GABRB2: variants seen among roughly 807,000 people sequenced by gnomAD.
The protein encoded by GABRB2 is gamma-aminobutyric acid type A receptor subunit beta2, also known as gamma-aminobutyric acid receptor subunit beta-2.
Under a neutral mutation model 54.7 loss-of-function variants are expected in GABRB2, and 16 were observed. The ratio of observed to expected loss-of-function variants is 0.29; its 90% CI spans 0.20 to 0.44. GABRB2 has a LOEUF of 0.44. GABRB2 is among the 20% of genes least tolerant of loss of function. The pLI, the probability that GABRB2 is intolerant of heterozygous loss-of-function variation, is 1.00. For missense variants in GABRB2, 355 were observed against 644.0 expected (o/e 0.55, Z 4.86); for synonymous variants, 244 against 233.8 (o/e 1.04, Z -0.40).
intron 5 of GABRB2, among the ~76,000 whole-genome samples, chr5:161,368,613 A>G (rs1027950882): frequency 1.3e-5 from 2 of 152,172 alleles, no homozygotes; most frequent in Non-Finnish European, 2.9e-5. Flanking sequence ...CCTGTTCGAG[A>G]TGTCGCATAC....
intron 5 of GABRB2, among the ~76,000 whole-genome samples, chr5:161,357,102 T>A (rs1219890687): frequency 6.6e-6 from 1 of 152,108 alleles, no homozygotes; most frequent in Non-Finnish European, 1.5e-5. Context: ...GAAAATAATA[T>A]GAGTTATAGG....
At chr5:161,486,261 A>G (rs1197317326) in intron 3 of GABRB2, among the ~76,000 whole-genome samples, 1 of 151,960 alleles carries the variant, frequency 6.6e-6, no homozygotes, top group Non-Finnish European at 1.5e-5. Flanking sequence ...TTTCTCAAAC[A>G]TCCACCCTGT....
intron 4 of GABRB2, among the ~76,000 whole-genome samples, chr5:161,439,759 G>T (rs1757410394): frequency 6.6e-6 from 1 of 151,888 alleles, no homozygotes; most frequent in Admixed American, 6.6e-5. Flanking sequence ...TAAAATAATG[G>T]GTTATATGAT....
At chr5:161,463,123 T>G (rs1379891473) in intron 3 of GABRB2, among the ~76,000 whole-genome samples, 2 of 151,890 alleles carry the variant, frequency 1.3e-5, no homozygotes, top group African/African-American at 2.4e-5. Flanking sequence ...GTAAACCCAT[T>G]GCAGGTTATT....
intron 3 of GABRB2, among the ~76,000 whole-genome samples, chr5:161,508,541 T>C (rs1268215794): frequency 6.6e-6 from 1 of 151,884 alleles, no homozygotes; most frequent in Non-Finnish European, 1.5e-5. Context: ...CACGATGATG[T>C]TCCTCCTCTC....
chr5:161,536,405 A>G (rs1026342895), intron 3 of GABRB2, among the ~76,000 whole-genome samples: 1 of 152,008 alleles, frequency 6.6e-6, no homozygotes, highest in Non-Finnish European at 1.5e-5. Flanking sequence ...GAGTGTTCAC[A>G]CCTCCTTTAC....
At chr5:161,547,836 C>G (rs1344450539), upstream of GABRB2, 1 of 152,202 alleles carries the variant, frequency 6.6e-6, no homozygotes, top group Admixed American at 6.5e-5. Context: ...CTGCGCGCAC[C>G]CGCGCGCACA....
intron 5 of GABRB2, among the ~76,000 whole-genome samples, chr5:161,357,522 A>AAG (rs1754671632): frequency 2.0e-5 from 3 of 150,598 alleles, no homozygotes; most frequent in Admixed American, 1.3e-4. Context: ...TTTTGAGCAA[A>AAG]AAAAAAAAAA....
At chr5:161,351,570 A>C (rs576210007) in intron 5 of GABRB2, among the ~76,000 whole-genome samples, 2 of 152,236 alleles carry the variant, frequency 1.3e-5, no homozygotes, top group East Asian at 3.9e-4. Context: ...CAAGACTTAA[A>C]TGTAAGACCT....
chr5:161,516,407 G>A (rs1759949771), intron 3 of GABRB2, among the ~76,000 whole-genome samples: 1 of 151,916 alleles, frequency 6.6e-6, no homozygotes, highest in South Asian at 2.1e-4. Flanking sequence ...CCTTCACTCA[G>A]GATGGGTGAA....
In GABRB2 at chr5:161,410,952, G is replaced by T. The variant is rs554629241; in HGVS notation, c.541+23C>A. 4.4e-6 allele frequency: 7 copies of T among 1,580,102 alleles called. No individual in the cohort carries two copies. The South Asian group carries it at 6.6e-5, about 15-fold the overall frequency. ...GAACCTTAAAGCAGAGTCCAGTCTA[G>T]CTGGATTCTCAGAACGACTTACAGC... On this transcript the variant is annotated intron_variant, in intron 5 of 9. Transcript: ENST00000393959.
chr5:161,412,380 G>A (rs1756539833), intron 4 of GABRB2, among the ~76,000 whole-genome samples: 2 of 152,056 alleles, frequency 1.3e-5, no homozygotes, highest in Non-Finnish European at 2.9e-5. Context: ...CCCAAGTCCT[G>A]TTGGCTCTGC....
intron 4 of GABRB2, among the ~76,000 whole-genome samples, chr5:161,432,366 G>C (rs1050570210): frequency 7.2e-5 from 11 of 152,106 alleles, no homozygotes; most frequent in Admixed American, 7.2e-4. Flanking sequence ...AATTCGGCTA[G>C]CACAATTTAT....
At chr5:161,342,710 C>T (rs1387534891) in intron 5 of GABRB2, among the ~76,000 whole-genome samples, 1 of 151,996 alleles carries the variant, frequency 6.6e-6, no homozygotes. Flanking sequence ...TTATTTATGT[C>T]CCCTCAAAAG....
intron 5 of GABRB2, among the ~76,000 whole-genome samples, chr5:161,356,555 A>C (rs1294762953): frequency 6.6e-6 from 1 of 152,118 alleles, no homozygotes; most frequent in Non-Finnish European, 1.5e-5. Context: ...GTGGACTCAA[A>C]ATATTGAGAG....
At chr5:161,319,085 TC>T (rs993394274) in intron 9 of GABRB2, among the ~76,000 whole-genome samples, 4 of 151,428 alleles carry the variant, frequency 2.6e-5, no homozygotes, top group Admixed American at 2.6e-4. Context: ...CTTATCCTTT[TC>T]CAATATTCCT....
At chr5:161,504,055 C>A (rs1270068990) in intron 3 of GABRB2, among the ~76,000 whole-genome samples, 3 of 151,764 alleles carry the variant, frequency 2.0e-5, no homozygotes, top group Non-Finnish European at 2.9e-5. Flanking sequence ...ATAAATGAAG[C>A]AAAAACTTAC....
intron 4 of GABRB2, among the ~76,000 whole-genome samples, chr5:161,429,399 T>G (rs1002438936): frequency 3.1e-5 from 4 of 130,112 alleles, no homozygotes; most frequent in African/African-American, 1.1e-4. Flanking sequence ...AGGAAAATGA[T>G]TGGAAGCTGA....
chr5:161,334,930 T>C (rs1753948468), intron 6 of GABRB2, 26 bp from the exon 7 acceptor site: 1 of 1,605,710 alleles, frequency 6.2e-7, no homozygotes, highest in Non-Finnish European at 8.5e-7. Flanking sequence ...TAGAACATCA[T>C]CATTATCAAT....
Sources: gnomAD v4.1 joint callset for allele counts (sites outside exome capture counted in the v4.1 genomes callset) on GRCh38, gnomAD v4.1.1 for gene constraint, MANE v1.5 for transcripts, NCBI Gene and HGNC (gene_info 2026-07-23, HGNC 2026-07-21) for gene names.